The following SF3B1 variants were observed in gnomAD, a reference collection of about 807,000 sequenced individuals.
SF3B1 encodes pre-mRNA processing 10.
SF3B1 carries 12 observed loss-of-function variants against 153.8 expected under a neutral mutation model. That is an observed-to-expected ratio of 0.08 (90% CI 0.05 to 0.13). SF3B1 has a LOEUF of 0.13. Among genes scored for constraint, SF3B1 ranks in the 10% least tolerant of loss-of-function variants. The probability of loss-of-function intolerance (pLI) is 1.00; values close to 1 mark genes in which losing one functional copy is unlikely to be tolerated. For missense variants in SF3B1, 513 were observed against 1,606.1 expected, an observed-to-expected ratio of 0.32 and a Z score of 11.63; for synonymous variants, 498 against 525.2, an observed-to-expected ratio of 0.95 and a Z score of 0.71.
intron 1 of SF3B1, among the ~76,000 whole-genome samples, chr2:197,433,286 A>G (rs2085470093): frequency 6.6e-6 from 1 of 152,244 alleles, no homozygotes; most frequent in Admixed American, 6.5e-5. Flanking sequence ...AATAATCTCA[A>G]AAATAACAAG....
At chr2:197,416,969 T>C (rs2106005305) in intron 5 of SF3B1, 58 bp from the exon 6 acceptor site, 2 of 1,518,536 alleles carry the variant, frequency 1.3e-6, no homozygotes, top group Non-Finnish European at 1.8e-6. Flanking sequence ...TTTCTACCAT[T>C]AGCGCAATCA....
Position 197,413,956 on chromosome 2 carries a change from G to A in SF3B1, c.666+2785C>T, listed in dbSNP as rs750427103. Reference sequence around the variant, plus strand: ...CAAGTAGCTGGGATTACAGGTGCCCGCCAACATGCCGGGCTAATTTTTGTA... The same window carrying A: ...CAAGTAGCTGGGATTACAGGTGCCCACCAACATGCCGGGCTAATTTTTGTA... On this transcript the variant is annotated intron_variant, in intron 6 of 24. Coordinates refer to ENST00000335508, the MANE Select transcript of SF3B1 (RefSeq NM_012433.4). Among the ~76,000 whole-genome samples the A allele has an allele frequency of 3.3e-5, 5 of 151,334 alleles. No individual in the cohort carries two copies. In the East Asian group the frequency reaches 7.7e-4, roughly 23 times the overall value.
At chr2:197,410,638 T>G (rs1303513434) in intron 6 of SF3B1, among the ~76,000 whole-genome samples, 1 of 151,660 alleles carries the variant, frequency 6.6e-6, no homozygotes, top group Non-Finnish European at 1.5e-5. Context: ...CCTGAGTAGC[T>G]GGGGTTACAG....
chr2:197,412,933 T>G (rs1168817004), intron 6 of SF3B1, among the ~76,000 whole-genome samples: 2 of 118,820 alleles, frequency 1.7e-5, no homozygotes, highest in Non-Finnish European at 3.2e-5. Flanking sequence ...ACCAAAATCA[T>G]CACTCTAGTC....
intron 21 of SF3B1, 139 bp from the exon 22 acceptor site, chr2:197,398,255 GAGTTAGTCTTAC>G (rs751355243): frequency 8.0e-4 from 685 of 859,286 alleles, no homozygotes; most frequent in Non-Finnish European, 1.2e-3. Context: ...AAAGGCTGAA[GAGTTAGTCTTAC>G]AGGTTTAGTC....
intron 4 of SF3B1, chr2:197,418,981 C>CACTTTGGAAAGATATTTATATTCAAA: frequency 6.6e-7 from 1 of 1,526,160 alleles, no homozygotes; most frequent in South Asian, 1.2e-5. Flanking sequence ...CCATTAGTAA[C>CACTTTGGAAAGATATTTATATTCAAA]ACTTTGGAAA....
At chr2:197,431,530 C>T (rs2085437317) in intron 1 of SF3B1, among the ~76,000 whole-genome samples, 1 of 152,186 alleles carries the variant, frequency 6.6e-6, no homozygotes, top group Admixed American at 6.5e-5. Context: ...GTTCTAATCA[C>T]TGCTCATTAC....
In SF3B1 at chr2:197,391,029, G is replaced by T. The variant is rs1408470860; in HGVS notation, c.*1274C>A. ...TTTTTTCCCTTTAGAGTTCACAGAA[G>T]TACTACCACATGGAGACAAAACAAA... On this transcript the variant is annotated 3_prime_UTR_variant, in exon 25 of 25. Coordinates refer to ENST00000335508, the MANE Select transcript of SF3B1 (RefSeq NM_012433.4). 6.6e-6 allele frequency: 1 copy of T among 152,060 alleles called. No individual in the cohort carries two copies. The highest frequency in any genetic ancestry group is 6.6e-5 in the Admixed American group (1 of 15,262). The allele number at this position is 152,060 out of a possible 1,614,324, so 9.4% of individuals were successfully genotyped here. A position where few individuals can be genotyped will look rare whatever the true frequency, so the allele number is the denominator to read the frequency against.
Position 197,398,063 on chromosome 2 carries a change from A to G in SF3B1, c.3188T>C (p.Leu1063Ser). ...REWMRICFEL[L>S]ELLKAHKKAI... The stretch of plus-strand genomic sequence containing the variant: ...CTTTTTGTGGGCTTTTAAGAGCTCT[A>G]AAAGCTCAAAGCAAATCCTCATCCA... Residue 1063 changes from leucine to serine, a missense_variant, in exon 22 of 25, where the codon TTA becomes TCA. Physicochemically the swap from Leu to Ser is moderately radical, Grantham distance 145 (BLOSUM62 -2). This residue lies in a region of SF3B1 where 17 missense variants were observed against 246.2 expected (regional missense o/e 0.07). Transcript: ENST00000335508. The G allele has an allele frequency of 6.2e-7, 1 of 1,612,344 alleles. No homozygotes were observed. Among genetic ancestry groups the G allele is most frequent in the Non-Finnish European group, 8.5e-7 (1 of 1,178,432 alleles).
At position 197,400,850 on chromosome 2, in the gene SF3B1, G is replaced by A. The variant is rs148138476; in HGVS notation, c.2583C>T (p.Ala861=). ...SRIVDDLKDE[A]EQYRKMVMET... ...CCATCACCATTTTTCTGTACTGTTC[G>A]GCTTCATCTTTCAGATCATCCACAA... Residue 861 remains alanine, a synonymous_variant, in exon 18 of 25, where the codon GCC becomes GCT. Transcript: ENST00000335508. This position sits in a 1 kb window ranked among gnomAD's most constrained non-coding sequence, Gnocchi z 5.0. The A allele has an allele frequency of 1.6e-4, 262 of 1,613,356 alleles. 1 individual carries two copies. The African/African-American group carries it at 3.1e-3, about 19-fold the overall frequency.
chr2:197,410,094 A>T, intron 6 of SF3B1, 87 bp from the exon 7 acceptor site: 1 of 899,088 alleles, frequency 1.1e-6, no homozygotes, highest in African/African-American at 1.7e-5. Flanking sequence ...TAAACGAAAA[A>T]TGTTTTAGTT....
Position 197,411,291 on chromosome 2 carries a change from G to C in SF3B1, c.667-1284C>G, listed in dbSNP as rs185680665. ...TATCATATCAAAGTAGCATAGAGTTGAGTGTAAAGAAAACAAAATTTGTAC... is the reference window on the plus strand; with the variant it reads ...TATCATATCAAAGTAGCATAGAGTTCAGTGTAAAGAAAACAAAATTTGTAC... On this transcript the variant is annotated intron_variant, in intron 6 of 24. Coordinates refer to ENST00000335508, the MANE Select transcript of SF3B1 (RefSeq NM_012433.4). Among the ~76,000 whole-genome samples, 253 of 152,270 alleles carry C rather than the reference G, an allele frequency of 1.7e-3. 4 individuals carry two copies. Among genetic ancestry groups the C allele is most frequent in the Admixed American group, 0.014 (217 of 15,294 alleles).
chr2:197,419,119 T>C, intron 4 of SF3B1: 2 of 586,218 alleles, frequency 3.4e-6, no homozygotes, highest in Non-Finnish European at 6.0e-6. Flanking sequence ...ATTTTAAAAA[T>C]ATACCTATAA....
chr2:197,411,625 T>C (rs991586571), intron 6 of SF3B1, among the ~76,000 whole-genome samples: 3 of 149,810 alleles, frequency 2.0e-5, no homozygotes, highest in African/African-American at 7.4e-5. Flanking sequence ...TGAGCCGAGA[T>C]AGCACCACTG....
intron 7 of SF3B1, among the ~76,000 whole-genome samples, chr2:197,409,057 A>C (rs932502424): frequency 7.9e-5 from 12 of 152,220 alleles, no homozygotes; most frequent in Non-Finnish European, 1.5e-5. Flanking sequence ...CAGGAGTTCA[A>C]CACCAGGCTG....
chr2:197,417,023 C>T (rs2085157577), intron 5 of SF3B1, 112 bp from the exon 6 acceptor site: 1 of 1,026,960 alleles, frequency 9.7e-7, no homozygotes, highest in Non-Finnish European at 1.4e-6. Flanking sequence ...ATTCTCTTTT[C>T]TATGTACTGG....
At chr2:197,426,049 G>A (rs1439569093) in intron 1 of SF3B1, among the ~76,000 whole-genome samples, 1 of 151,646 alleles carries the variant, frequency 6.6e-6, no homozygotes, top group Non-Finnish European at 1.5e-5. Context: ...TTAATGCTGA[G>A]TTTAGCAGCC....
intron 12 of SF3B1, among the ~76,000 whole-genome samples, 196 bp from the exon 13 acceptor site, chr2:197,403,231 C>CA (rs777509333): frequency 5.3e-5 from 8 of 152,120 alleles, no homozygotes; most frequent in Admixed American, 1.3e-4. Flanking sequence ...CTATTAGTGA[C>CA]ACACTAATAT....
At chr2:197,429,733 G>A (rs895373159) in intron 1 of SF3B1, among the ~76,000 whole-genome samples, 1 of 150,674 alleles carries the variant, frequency 6.6e-6, no homozygotes, top group Non-Finnish European at 1.5e-5. Context: ...GCAGTGAGCC[G>A]ACATTGTGCG....
Sources: gnomAD v4.1 joint callset for allele counts (sites outside exome capture counted in the v4.1 genomes callset) on GRCh38, gnomAD v4.1.1 for gene constraint, gnomAD v4.1.1 regional missense constraint, Gnocchi (gnomAD v3.1) non-coding constraint, MANE v1.5 for transcripts, NCBI Gene and HGNC (gene_info 2026-07-23, HGNC 2026-07-21) for gene names.